The following GCNT2 variants were observed in gnomAD, a reference collection of about 807,000 sequenced individuals.
The protein encoded by GCNT2 is N-acetyllactosaminide beta-1,6-N-acetylglucosaminyl-transferase.
A neutral mutation model predicts 34.2 loss-of-function variants in GCNT2; 34 were observed. That is an observed-to-expected ratio of 1.00 (90% confidence interval 0.76 to 1.32). The LOEUF (loss-of-function observed/expected upper bound fraction) is 1.32. Among genes scored for constraint, GCNT2 ranks in the 40% most tolerant of loss-of-function variants. The pLI is 0.00. For missense variants in GCNT2, 584 were observed against 489.4 expected, an observed-to-expected ratio of 1.19 and a Z score of -1.82; for synonymous variants, 212 against 188.0, an observed-to-expected ratio of 1.13 and a Z score of -1.04.
At chr6:10,591,773 C>G (rs1764655281) in intron 3 of GCNT2, among the ~76,000 whole-genome samples, 1 of 152,092 alleles carries the variant, frequency 6.6e-6, no homozygotes, top group Non-Finnish European at 1.5e-5. Flanking sequence ...GGAAAAAAAC[C>G]AAGACTATAA....
rs141557910 is a variant in GCNT2 at position 10,529,553 on chromosome 6, T to C, written c.642T>C (p.Asn214=). 1.7e-5 allele frequency: 28 copies of C among 1,613,900 alleles called. No individual in the cohort carries two copies. In the African/African-American group the frequency reaches 3.1e-4, roughly 18 times the overall value. The stretch of plus-strand genomic sequence containing the variant: ...ATCTGAAGGGATTTAAAGGGAAAAA[T>C]ATCACCCCCGGAGTGCTGCCTCCTG... ...VQYLKGFKGK[N]ITPGVLPPDH... is the part of the protein sequence containing the mutation. Residue 214 remains asparagine, a synonymous_variant, in exon 3 of 5, where the codon AAT becomes AAC. Transcript: ENST00000495262.
intron 3 of GCNT2, among the ~76,000 whole-genome samples, chr6:10,604,698 GA>G (rs1765233906): frequency 6.6e-6 from 1 of 151,682 alleles, no homozygotes; most frequent in Non-Finnish European, 1.5e-5. Flanking sequence ...CCATTTCTAC[GA>G]AAAATACAAA....
rs143895277 is a variant in GCNT2, at chr6:10,562,962, C to A, written c.925+33126C>A. Among the ~76,000 whole-genome samples the A allele has an allele frequency of 1.7e-3, 266 of 152,312 alleles. 2 individuals are homozygous for A. The highest frequency in any genetic ancestry group is 2.9e-3 in the Admixed American group (44 of 15,302). ...TCACCAGAAGTCGGGAGTTCGAGAT[C>A]AGCCTGGCTAACATGGTGAAACCCT... On this transcript the variant is annotated intron_variant, in intron 3 of 4. Transcript: ENST00000495262.
chr6:10,576,671 CAG>C (rs768537506), intron 3 of GCNT2, among the ~76,000 whole-genome samples: 74 of 151,768 alleles, frequency 4.9e-4, no homozygotes, highest in Non-Finnish European at 1.2e-4. Context: ...AGGACAGAGA[CAG>C]AAAGAGATTT....
intron 3 of GCNT2, chr6:10,581,904 G>A: frequency 1.0e-6 from 1 of 979,942 alleles, no homozygotes; most frequent in Non-Finnish European, 1.2e-6. Context: ...TTATTGGATT[G>A]TTCCCTTCAT....
At chr6:10,620,633 G>A (rs1471350577) in intron 3 of GCNT2, among the ~76,000 whole-genome samples, 2 of 151,838 alleles carry the variant, frequency 1.3e-5, no homozygotes, top group South Asian at 2.1e-4. Context: ...TTCTTACCTC[G>A]GCCTCCTAAA....
At chr6:10,535,970 T>C (rs1025504023) in intron 3 of GCNT2, among the ~76,000 whole-genome samples, 4 of 152,202 alleles carry the variant, frequency 2.6e-5, no homozygotes, top group African/African-American at 9.6e-5. Flanking sequence ...GCTCATTGTA[T>C]TTCTATTTCC....
chr6:10,559,073 T>C (rs1238023140), intron 3 of GCNT2, among the ~76,000 whole-genome samples: 5 of 90,056 alleles, frequency 5.6e-5, no homozygotes, highest in Non-Finnish European at 1.1e-4. Context: ...AAATTGTTGC[T>C]TTTTTTTTTT....
rs1258340530 is a variant in GCNT2 at position 10,621,334 on chromosome 6, CTTT to C, written c.926-16_926-14del. 15 of 1,543,434 alleles carry C rather than the reference CTTT, an allele frequency of 9.7e-6. 1 individual carries two copies. Among genetic ancestry groups the C allele is most frequent in the Non-Finnish European group, 1.2e-5 (13 of 1,117,124 alleles). On this transcript the variant is annotated splice_polypyrimidine_tract_variant and intron_variant, in intron 3 of 4. Coordinates refer to ENST00000495262, the MANE Select transcript of GCNT2 (RefSeq NM_145649.5). ...CATGACTCTCATCTCTACGCTTCTT[CTTT>C]ATCAACATTGCAGGTGTTCCTGGCT...
rs116700595 is a variant in GCNT2 at position 10,621,313 on chromosome 6, A to T, written c.926-38A>T. ...ATGAAATTGATGCCCTTCTCTCATG[A>T]CTCTCATCTCTACGCTTCTTCTTTA... On this transcript the variant is annotated intron_variant, in intron 3 of 4. Coordinates refer to ENST00000495262, the MANE Select transcript of GCNT2 (RefSeq NM_145649.5). The T allele has an allele frequency of 1.3e-3, 1,645 of 1,294,826 alleles. 20 individuals carry two copies. In the African/African-American group the frequency reaches 0.021, roughly 17 times the overall value. 80.2% of individuals were successfully genotyped at this position (1,294,826 alleles called of 1,614,324 possible).
intron 3 of GCNT2, chr6:10,557,330 A>C (rs751945347): frequency 5.6e-6 from 9 of 1,612,492 alleles, no homozygotes; most frequent in Non-Finnish European, 7.6e-6. Flanking sequence ...GGTGACACTC[A>C]ATAGGATTCC....
chr6:10,569,875 TTCTC>T (rs200939254), intron 3 of GCNT2, among the ~76,000 whole-genome samples: 1 of 145,922 alleles, frequency 6.9e-6, no homozygotes, highest in South Asian at 2.1e-4. Flanking sequence ...CTTTCTTTCT[TTCTC>T]TTTCTTTTTC....
At chr6:10,552,139 T>C (rs1029103170) in intron 3 of GCNT2, among the ~76,000 whole-genome samples, 5 of 152,104 alleles carry the variant, frequency 3.3e-5, no homozygotes, top group African/African-American at 1.2e-4. Context: ...ATGAAAGGTA[T>C]AGAAAGTAAA....
intron 3 of GCNT2, chr6:10,555,921 C>G: frequency 4.0e-6 from 4 of 1,005,734 alleles, no homozygotes; most frequent in Non-Finnish European, 4.7e-6. Flanking sequence ...CCACGAACAA[C>G]AAGAGAGGGC....
intron 3 of GCNT2, chr6:10,575,177 C>A (rs1326513615): frequency 4.9e-6 from 2 of 408,930 alleles, no homozygotes; most frequent in East Asian, 5.3e-5. Flanking sequence ...TTCTAAAAGG[C>A]TTAGAGAACA....
intron 3 of GCNT2, among the ~76,000 whole-genome samples, chr6:10,566,122 C>G (rs1763272052): frequency 6.6e-6 from 1 of 152,064 alleles, no homozygotes; most frequent in Non-Finnish European, 1.5e-5. Flanking sequence ...CGCATGCAGT[C>G]CCTCTCCCGG....
chr6:10,545,672 T>C (rs1449002884), intron 3 of GCNT2, among the ~76,000 whole-genome samples: 1 of 152,166 alleles, frequency 6.6e-6, no homozygotes, highest in Non-Finnish European at 1.5e-5. Flanking sequence ...TCCTGAGCCA[T>C]GTGAAGCTGT....
chr6:10,544,114 G>C (rs911250854), intron 3 of GCNT2, among the ~76,000 whole-genome samples: 43 of 152,092 alleles, frequency 2.8e-4, no homozygotes, highest in African/African-American at 1.0e-3. Context: ...AGGAGTTCGA[G>C]ACCAGCCTGG....
chr6:10,588,374 TC>T (rs146775487), intron 3 of GCNT2, among the ~76,000 whole-genome samples: 16,780 of 152,180 alleles, frequency 0.11, 1,104 homozygotes, highest in Middle Eastern at 0.17. Context: ...CCTACATCGT[TC>T]CTTTTAATGA....
Sources: gnomAD v4.1 joint callset for allele counts (sites outside exome capture counted in the v4.1 genomes callset) on GRCh38, gnomAD v4.1.1 for gene constraint, MANE v1.5 for transcripts, NCBI Gene and HGNC (gene_info 2026-07-23, HGNC 2026-07-21) for gene names.